TMEM116: variants seen among roughly 807,000 people sequenced by gnomAD.
TMEM116 encodes the protein transmembrane protein 116.
A neutral mutation model predicts 44.3 loss-of-function variants in TMEM116; 38 were observed. That is an observed-to-expected ratio of 0.86 (90% CI 0.66 to 1.12). The LOEUF (loss-of-function observed/expected upper bound fraction) is 1.12, where lower values mean the gene tolerates loss of function less well. TMEM116 is among the 50% of genes most tolerant of loss of function. The pLI is 0.00. For missense variants in TMEM116, 354 were observed against 401.7 expected (o/e 0.88, Z 1.01); for synonymous variants, 132 against 144.8 (o/e 0.91, Z 0.64).
intron 8 of TMEM116, chr12:111,936,481 A>G: frequency 2.0e-6 from 1 of 511,814 alleles, no homozygotes; most frequent in South Asian, 3.4e-5. Flanking sequence ...CACCTAATAA[A>G]TACAAGCTCT....
At chr12:111,958,760 C>G (rs2074354158) in intron 4 of TMEM116, among the ~76,000 whole-genome samples, 1 of 151,732 alleles carries the variant, frequency 6.6e-6, no homozygotes, top group Admixed American at 6.6e-5. Context: ...GATTGAAGAT[C>G]AACTGAATGA....
chr12:111,962,943 T>TAC (rs1243565940), intron 4 of TMEM116, among the ~76,000 whole-genome samples: 1 of 152,186 alleles, frequency 6.6e-6, no homozygotes, highest in African/African-American at 2.4e-5. Flanking sequence ...ATCCACGATC[T>TAC]ACAAAGAACT....
chr12:111,981,533 T>C (rs1416494499), intron 4 of TMEM116, among the ~76,000 whole-genome samples: 2 of 152,212 alleles, frequency 1.3e-5, no homozygotes, highest in Non-Finnish European at 2.9e-5. Flanking sequence ...CATAGGGGCT[T>C]GCTTTTATTT....
At chr12:111,994,640 AT>A (rs2076828444) in intron 3 of TMEM116, among the ~76,000 whole-genome samples, 1 of 152,216 alleles carries the variant, frequency 6.6e-6, no homozygotes, top group Admixed American at 6.5e-5. Context: ...AGAGATAAGA[AT>A]TTACAACATA....
chr12:111,949,970 C>G (rs1593338978), intron 4 of TMEM116, among the ~76,000 whole-genome samples: 1 of 152,108 alleles, frequency 6.6e-6, no homozygotes, highest in East Asian at 1.9e-4. Context: ...TAAAAATTAG[C>G]TGGGCATGGT....
At chr12:111,966,709 A>G (rs1365982450) in intron 4 of TMEM116, among the ~76,000 whole-genome samples, 1 of 152,204 alleles carries the variant, frequency 6.6e-6, no homozygotes, top group African/African-American at 2.4e-5. Flanking sequence ...TGGCTTATAC[A>G]GTTGGAGTAT....
intron 4 of TMEM116, among the ~76,000 whole-genome samples, chr12:111,964,931 G>A (rs1052396408): frequency 1.3e-5 from 2 of 151,998 alleles, no homozygotes; most frequent in Non-Finnish European, 2.9e-5. Flanking sequence ...GGACTCAAGC[G>A]ATCCTCCCAC....
chr12:111,995,336 A>T (rs1158211979), intron 3 of TMEM116, among the ~76,000 whole-genome samples: 1 of 152,164 alleles, frequency 6.6e-6, no homozygotes, highest in Non-Finnish European at 1.5e-5. Context: ...TGGCTTTTTC[A>T]ATCAGTGGAA....
intron 4 of TMEM116, among the ~76,000 whole-genome samples, chr12:111,962,675 T>C (rs961626209): frequency 1.3e-5 from 2 of 152,200 alleles, no homozygotes; most frequent in African/African-American, 4.8e-5. Context: ...CAAGATGGAT[T>C]AAAGACTTAA....
intron 5 of TMEM116, 23 bp downstream of exon 5, chr12:111,943,242 T>A (rs2073010128): frequency 1.3e-6 from 2 of 1,570,660 alleles, no homozygotes; most frequent in African/African-American, 1.4e-5. Context: ...TATTATTAAC[T>A]ATCAGCCCTG....
intron 4 of TMEM116, among the ~76,000 whole-genome samples, chr12:111,981,333 AAG>A (rs1244448838): frequency 6.6e-6 from 1 of 152,166 alleles, no homozygotes; most frequent in African/African-American, 2.4e-5. Flanking sequence ...AAATTTTGGT[AAG>A]AGAGTGTTAT....
At chr12:111,938,689 A>G (rs576945252) in intron 5 of TMEM116, among the ~76,000 whole-genome samples, 33 of 152,320 alleles carry the variant, frequency 2.2e-4, no homozygotes, top group Admixed American at 7.8e-4. Context: ...ATAATAGGGC[A>G]GGGTCAAATA....
chr12:111,992,414 C>A (rs995053131), intron 3 of TMEM116, among the ~76,000 whole-genome samples: 1 of 152,026 alleles, frequency 6.6e-6, no homozygotes, highest in Non-Finnish European at 1.5e-5. Context: ...GGACTACAGG[C>A]GCCCAGCACC....
At position 111,956,693 on chromosome 12, in the gene TMEM116, T is replaced by C. The variant is rs574314003; in HGVS notation, c.211-13324A>G. Among the ~76,000 whole-genome samples the C allele has an allele frequency of 1.7e-4, 26 of 152,266 alleles. No homozygotes were observed. In the South Asian group the frequency reaches 4.8e-3, roughly 28 times the overall value. ...CACACCTGACTGGTTTTCGTATTTT[T>C]TGGTGGAGACGGGGTTTCGCCGTGT... On this transcript the variant is annotated intron_variant, in intron 4 of 10. Coordinates refer to ENST00000552374, the MANE Select transcript of TMEM116 (RefSeq NM_001193531.2).
chr12:111,994,859 G>A (rs1010137190), intron 3 of TMEM116, among the ~76,000 whole-genome samples: 18 of 152,292 alleles, frequency 1.2e-4, no homozygotes, highest in African/African-American at 2.6e-4. Context: ...CAGAAAAGCC[G>A]TGGCAAGATA....
At chr12:111,995,012 T>A (rs2076851361) in intron 3 of TMEM116, among the ~76,000 whole-genome samples, 1 of 152,148 alleles carries the variant, frequency 6.6e-6, no homozygotes, top group East Asian at 1.9e-4. Flanking sequence ...ATGTGAAACC[T>A]CCCTGACTGC....
At chr12:111,951,597 G>T (rs911374175) in intron 4 of TMEM116, among the ~76,000 whole-genome samples, 2 of 152,100 alleles carry the variant, frequency 1.3e-5, no homozygotes, top group Admixed American at 6.5e-5. Flanking sequence ...GTTCTCATAA[G>T]TGGGAGCTAA....
intron 4 of TMEM116, among the ~76,000 whole-genome samples, chr12:111,952,006 G>A (rs1286067661): frequency 3.9e-5 from 6 of 151,902 alleles, no homozygotes; most frequent in South Asian, 2.1e-4. Flanking sequence ...TGAGGTGGGC[G>A]GACCATGAGG....
At chr12:112,010,668 G>A (rs935799677) in intron 1 of TMEM116, 1 of 152,476 alleles carries the variant, frequency 6.6e-6, no homozygotes, top group Non-Finnish European at 1.5e-5. Flanking sequence ...TCAGCAGGGA[G>A]GGTAGGTCCT....
Sources: gnomAD v4.1 joint callset for allele counts (sites outside exome capture counted in the v4.1 genomes callset) on GRCh38, gnomAD v4.1.1 for gene constraint, MANE v1.5 for transcripts, NCBI Gene and HGNC (gene_info 2026-07-23, HGNC 2026-07-21) for gene names.